CNGB1: variants seen among roughly 807,000 people sequenced by gnomAD.
The protein encoded by CNGB1 is cyclic nucleotide-gated channel beta-1.
A neutral mutation model predicts 151.7 loss-of-function variants in CNGB1; 126 were observed. The observed-to-expected ratio is 0.83, with a 90% CI of 0.72 to 0.96. The LOEUF is 0.96. Ranked by LOEUF, CNGB1 falls within the 40% of genes least tolerant of loss-of-function variation. CNGB1 has a pLI of 0.00. For missense variants in CNGB1, 1,698 were observed against 1,627.0 expected, an observed-to-expected ratio of 1.04 and a Z score of -0.75; for synonymous variants, 623 against 635.1, an observed-to-expected ratio of 0.98 and a Z score of 0.29.
intron 26 of CNGB1, 54 bp downstream of exon 26, chr16:57,904,679 TG>T: frequency 6.2e-7 from 1 of 1,611,708 alleles, no homozygotes; most frequent in African/African-American, 1.3e-5. Flanking sequence ...CTGGCAACAG[TG>T]GGAGGGGGCC....
intron 27 of CNGB1, among the ~76,000 whole-genome samples, chr16:57,903,571 G>T (rs1479697536): frequency 2.6e-5 from 4 of 152,174 alleles, no homozygotes; most frequent in African/African-American, 4.8e-5. Flanking sequence ...GGTGGGTAAA[G>T]TGAGGGGGGC....
intron 17 of CNGB1, among the ~76,000 whole-genome samples, chr16:57,930,525 A>G (rs7186432): frequency 0.43 from 53,064 of 122,862 alleles, 12,971 homozygotes; most frequent in African/African-American, 0.72. Context: ...GGAGGGAAGG[A>G]GAGGGGAAGA....
intron 32 of CNGB1, among the ~76,000 whole-genome samples, chr16:57,885,588 T>C (rs199781733): frequency 0.26 from 22,655 of 87,310 alleles, 2,687 homozygotes; most frequent in East Asian, 0.33. Flanking sequence ...CTTTCTTTCT[T>C]TCTTTCTTTC....
In CNGB1 at chr16:57,922,870, T is replaced by C. The variant is rs570237959; in HGVS notation, c.1643+403A>G. Among the ~76,000 whole-genome samples the C allele has an allele frequency of 7.2e-5, 11 of 151,892 alleles. No individual in the cohort carries two copies. The East Asian group carries it at 1.7e-3, about 24-fold the overall frequency. On this transcript the variant is annotated intron_variant, in intron 18 of 32. Transcript: ENST00000251102. ...CAGGTAGGGCCAGGGAATCTTTTTT[T>C]TTTTTCTTTTTTCACAAACTCCCCA...
intron 12 of CNGB1, among the ~76,000 whole-genome samples, chr16:57,955,643 C>T (rs1962064713): frequency 6.6e-6 from 1 of 152,178 alleles, no homozygotes; most frequent in African/African-American, 2.4e-5. Context: ...GTGAGATCAT[C>T]CCGGATTGAG....
At chr16:57,958,327 G>GTCCCTTCTTCCTACTGTGCCTTCACACC (rs3217334) in intron 11 of CNGB1, 83 bp downstream of exon 11, 21 of 1,313,900 alleles carry the variant, frequency 1.6e-5, no homozygotes, top group Non-Finnish European at 5.5e-6. Context: ...CTGCCACAGG[G>GTCCCTTCTTCCTACTGTGCCTTCACACC]CCAACCATCC....
chr16:57,901,724 C>A (rs1171938338), intron 27 of CNGB1, 99 bp from the exon 28 acceptor site: 1 of 914,612 alleles, frequency 1.1e-6, no homozygotes, highest in Non-Finnish European at 1.8e-6. Flanking sequence ...CAGGGCACAC[C>A]ATTGCCCTGC....
chr16:57,889,203 A>G (rs1178455269), intron 31 of CNGB1, among the ~76,000 whole-genome samples: 2 of 152,048 alleles, frequency 1.3e-5, no homozygotes, highest in African/African-American at 2.4e-5. Context: ...GGGTCTCCCT[A>G]TGTTGCTCAG....
In CNGB1 at chr16:57,940,236, G is replaced by T. The variant is rs867659149; in HGVS notation, c.1207C>A (p.Gln403Lys). 6.4e-7 allele frequency: 1 copy of T among 1,565,126 alleles called. No homozygotes were observed. Among genetic ancestry groups the T allele is most frequent in the Non-Finnish European group, 8.7e-7 (1 of 1,154,572 alleles). ...CCAGTGCCTGGTGCTTCTCATACCTGATCTGAAGTGCTCTGGGGCCGGGTC... is the reference window on the plus strand; with the variant it reads ...CCAGTGCCTGGTGCTTCTCATACCTTATCTGAAGTGCTCTGGGGCCGGGTC... The part of the protein sequence containing the change: ...DGTRPQSTSD[Q>K]KLWEEVGEEA... Residue 403 changes from glutamine (Q) to lysine (K), a missense_variant and splice_region_variant, in exon 15 of 33, where the codon CAG (glutamine) becomes AAG (lysine). By Grantham distance (53) the Gln-to-Lys change is moderately conservative (BLOSUM62 1). Transcript: ENST00000251102.
At chr16:57,924,588 T>C (rs934481627) in intron 17 of CNGB1, among the ~76,000 whole-genome samples, 2 of 152,102 alleles carry the variant, frequency 1.3e-5, no homozygotes, top group Admixed American at 1.3e-4. Context: ...TGAAAGCACA[T>C]CAGGATGAGC....
At chr16:57,921,646 G>A (rs1441833441) in intron 18 of CNGB1, among the ~76,000 whole-genome samples, 1 of 152,142 alleles carries the variant, frequency 6.6e-6, no homozygotes, top group East Asian at 1.9e-4. Flanking sequence ...GGGATCACGT[G>A]CCAGGCTCTC....
chr16:57,963,231 T>G (rs1962307318), intron 4 of CNGB1, among the ~76,000 whole-genome samples, 167 bp from the exon 5 acceptor site: 1 of 152,182 alleles, frequency 6.6e-6, no homozygotes. Context: ...CCAAGGCCAG[T>G]CCAGTGTCCA....
chr16:57,895,551 T>TATA (rs543964344), intron 31 of CNGB1, among the ~76,000 whole-genome samples: 420 of 147,406 alleles, frequency 2.8e-3, no homozygotes, highest in African/African-American at 9.1e-3. Flanking sequence ...TATGTATTTT[T>TATA]TATATATATA....
intron 14 of CNGB1, 46 bp from the exon 15 acceptor site, chr16:57,940,367 G>A (rs1469586636): frequency 1.9e-6 from 3 of 1,539,366 alleles, no homozygotes; most frequent in South Asian, 1.2e-5. Context: ...CTGGGTTAGG[G>A]TGTTAAAGGT....
Position 57,893,614 on chromosome 16 carries a change from A to G in CNGB1, c.3242+3783T>C, listed in dbSNP as rs538171858. Reference sequence around the variant, plus strand: ...GAAGTCCCAGACCAGCCTGGTCAACATGGTGAAACCCCGTCTCTACTTAAA... The same window carrying G: ...GAAGTCCCAGACCAGCCTGGTCAACGTGGTGAAACCCCGTCTCTACTTAAA... On this transcript the variant is annotated intron_variant, in intron 31 of 32. Transcript: ENST00000251102. Among the ~76,000 whole-genome samples the G allele has an allele frequency of 7.9e-5, 12 of 152,248 alleles. No homozygotes were observed. In the East Asian group the frequency reaches 2.1e-3, roughly 27 times the overall value.
chr16:57,919,228 C>T lies in CNGB1; in HGVS notation c.1828G>A (p.Ala610Thr), dbSNP rs201302946. 77 of 1,614,220 alleles carry T rather than the reference C, an allele frequency of 4.8e-5. 1 individual carries two copies. In the African/African-American group the frequency reaches 9.2e-4, roughly 19 times the overall value. ...PSPAKKAPEP[A>T]PDTKPAEAEP... ...GCTTCAGCGGGCTTTGTGTCTGGAG[C>T]TGGCTCTGGGGCTTTCTTGGCTGGG... Residue 610 changes from alanine (A) to threonine (T), a missense_variant, in exon 20 of 33, where the codon GCT becomes ACT. By Grantham distance (58) the Ala-to-Thr change is moderately conservative. Coordinates refer to ENST00000251102, the MANE Select transcript of CNGB1 (RefSeq NM_001297.5).
rs1961604333 is a variant in CNGB1 at position 57,939,458 on chromosome 16, C to T, written c.1344G>A (p.Glu448=). 1.2e-6 allele frequency: 2 copies of T among 1,614,166 alleles called. No individual in the cohort carries two copies. Among genetic ancestry groups the T allele is most frequent in the Non-Finnish European group, 1.7e-6 (2 of 1,180,020 alleles). The change falls in exon 16 of 33, where the codon GAG becomes GAA. Residue 448 remains glutamate, a synonymous_variant. Transcript: ENST00000251102. ...CTGAACTGGCAGCCTCGGCCTCAGCCTCAGGCTCCTCCTTGGTCTCCGCCC... is the reference window on the plus strand; with the variant it reads ...CTGAACTGGCAGCCTCGGCCTCAGCTTCAGGCTCCTCCTTGGTCTCCGCCC... The part of the protein sequence containing the change: ...QDWAETKEEP[E]AEAEAASSGV...
At chr16:57,912,524 G>A (rs1960746285) in intron 24 of CNGB1, among the ~76,000 whole-genome samples, 1 of 152,130 alleles carries the variant, frequency 6.6e-6, no homozygotes, top group Admixed American at 6.6e-5. Flanking sequence ...GGAGGTCAGT[G>A]GGGGTAGACA....
chr16:57,882,774 CCTTTTTTCTTTTTTTTT>C lies in CNGB1; in HGVS notation c.*1373_*1389del, dbSNP rs1217851222. ...GATAAATATTCATTCCCTGAATGAC[CCTTTTTTCTTTTTTTTT>C]CTTTTTTCTTTTTTTTTTTTTGTCT... On this transcript the variant is annotated 3_prime_UTR_variant, in exon 33 of 33. Coordinates refer to ENST00000251102, the MANE Select transcript of CNGB1 (RefSeq NM_001297.5). 1 of 150,874 alleles carries C rather than the reference CCTTTTTTCTTTTTTTTT, an allele frequency of 6.6e-6. No homozygotes were observed. Among genetic ancestry groups the C allele is most frequent in the Admixed American group, 6.7e-5 (1 of 14,964 alleles). The allele number at this position is 150,874 out of a possible 1,614,324, so 9.3% of individuals were successfully genotyped here.
Sources: allele counts gnomAD v4.1 joint callset (sites outside exome capture counted in the v4.1 genomes callset), GRCh38; gene constraint gnomAD v4.1.1; transcripts MANE v1.5; gene names NCBI Gene and HGNC (gene_info 2026-07-23, HGNC 2026-07-21).